The following FAAH2 variants were observed in gnomAD, a reference collection of about 807,000 sequenced individuals.
FAAH2 encodes the protein fatty-acid amide hydrolase 2.
FAAH2 carries 60 observed loss-of-function variants against 36.9 expected under a neutral mutation model. The observed-to-expected ratio is 1.63, with a 90% CI of 1.32 to 2.02. The LOEUF is 2.02. Among genes scored for constraint, FAAH2 ranks in the 30% most tolerant of loss-of-function variants. The pLI, the probability that FAAH2 is intolerant of heterozygous loss-of-function variation, is 0.00. For missense variants in FAAH2, 689 were observed against 397.5 expected (o/e 1.73, Z -6.23); for synonymous variants, 214 against 143.8 (o/e 1.49, Z -3.49).
At chrX:57,440,750 GTTC>G (rs1036776722) in intron 8 of FAAH2, among the ~76,000 whole-genome samples, 2 of 111,532 alleles carry the variant, frequency 1.8e-5, no homozygotes, top group Non-Finnish European at 3.8e-5. Context: ...GGCATAAATA[GTTC>G]TTATTATTTT....
intron 7 of FAAH2, among the ~76,000 whole-genome samples, chrX:57,411,034 G>A (rs1223923199): frequency 4.5e-5 from 5 of 111,730 alleles, no homozygotes; most frequent in Non-Finnish European, 9.4e-5. Context: ...TGTCTTCACA[G>A]TTGAAAAAGC....
At chrX:57,303,927 C>T (rs1250461008) in intron 2 of FAAH2, among the ~76,000 whole-genome samples, 1 of 111,991 alleles carries the variant, frequency 8.9e-6, no homozygotes, top group Admixed American at 9.5e-5. Context: ...AACCTGCTGG[C>T]TGGGCGCGGT....
chrX:57,351,203 C>T (rs1157391573), intron 5 of FAAH2, among the ~76,000 whole-genome samples: 2 of 110,699 alleles, frequency 1.8e-5, no homozygotes, highest in Non-Finnish European at 3.8e-5. Context: ...AGAAAGTATA[C>T]AAATATATGG....
At chrX:57,150,495 A>G in the FAAH2 span, among the ~76,000 whole-genome samples, 2 of 111,847 alleles carry the variant, frequency 1.8e-5, no homozygotes, top group African/African-American at 6.5e-5. Flanking sequence ...TGTTGAATTG[A>G]TCCCTTTTCT....
chrX:57,246,937 A>G, the FAAH2 span, among the ~76,000 whole-genome samples: 1 of 111,911 alleles, frequency 8.9e-6, no homozygotes, highest in African/African-American at 3.2e-5. Context: ...TGTGGCTGAA[A>G]ACAGCTATGC....
At chrX:57,250,667 A>G in the FAAH2 span, among the ~76,000 whole-genome samples, 1 of 110,977 alleles carries the variant, frequency 9.0e-6, no homozygotes, top group South Asian at 3.7e-4. Flanking sequence ...TAATTAAAAA[A>G]CAGGAGATAT....
At chrX:57,337,822 G>A (rs1253139676) in intron 4 of FAAH2, among the ~76,000 whole-genome samples, 2 of 112,036 alleles carry the variant, frequency 1.8e-5, no homozygotes, top group South Asian at 3.7e-4. Flanking sequence ...AAAGCTGGAA[G>A]CATTCTCCTT....
the FAAH2 span, among the ~76,000 whole-genome samples, chrX:57,190,756 C>G: frequency 9.1e-6 from 1 of 110,076 alleles, no homozygotes; most frequent in Non-Finnish European, 1.9e-5. Context: ...ATGAGATAAA[C>G]AGTATACCTT....
intron 7 of FAAH2, among the ~76,000 whole-genome samples, chrX:57,400,398 T>G (rs1602537577): frequency 8.9e-6 from 1 of 112,192 alleles, no homozygotes; most frequent in East Asian, 2.8e-4. Context: ...CTCGGACCTG[T>G]GTAAGGACTC....
chrX:57,466,894 C>T (rs2057060376), intron 10 of FAAH2, among the ~76,000 whole-genome samples: 1 of 110,903 alleles, frequency 9.0e-6, no homozygotes, highest in South Asian at 3.8e-4. Context: ...ATGCAAGATG[C>T]CTATGAGCCC....
the FAAH2 span, among the ~76,000 whole-genome samples, chrX:57,193,951 A>G: frequency 2.7e-5 from 3 of 111,838 alleles, 1 homozygote; most frequent in East Asian, 8.5e-4. Context: ...TTGAATAAAT[A>G]TTAATCAGAA....
the FAAH2 span, among the ~76,000 whole-genome samples, chrX:57,197,276 T>C: frequency 8.9e-6 from 1 of 111,904 alleles, no homozygotes; most frequent in Non-Finnish European, 1.9e-5. Context: ...CTTATCTGTA[T>C]TATTTGTTCT....
At chrX:57,346,145 G>T (rs2053815855) in intron 5 of FAAH2, among the ~76,000 whole-genome samples, 1 of 111,090 alleles carries the variant, frequency 9.0e-6, no homozygotes, top group Non-Finnish European at 1.9e-5. Flanking sequence ...GGTGCAATTA[G>T]TCAAATGTTA....
At chrX:57,240,164 A>G in the FAAH2 span, among the ~76,000 whole-genome samples, 1 of 111,830 alleles carries the variant, frequency 8.9e-6, no homozygotes, top group Non-Finnish European at 1.9e-5. Flanking sequence ...GCTGATGTTC[A>G]TTTAATCTTT....
intron 7 of FAAH2, among the ~76,000 whole-genome samples, chrX:57,389,885 A>C (rs1368379570): frequency 2.7e-5 from 3 of 110,003 alleles, no homozygotes; most frequent in African/African-American, 9.9e-5. Flanking sequence ...TAGCTATGCT[A>C]TTGGGTGGGA....
At chrX:57,413,576 A>G (rs749632084) in intron 7 of FAAH2, among the ~76,000 whole-genome samples, 1 of 111,457 alleles carries the variant, frequency 9.0e-6, no homozygotes, top group Admixed American at 9.5e-5. Context: ...CCATTTATCT[A>G]TATGTCTGTT....
the FAAH2 span, among the ~76,000 whole-genome samples, chrX:57,241,522 C>A: frequency 9.0e-6 from 1 of 111,674 alleles, no homozygotes; most frequent in Non-Finnish European, 1.9e-5. Context: ...TAAATAGCTA[C>A]CTTTATTTGT....
At chrX:57,393,245 C>A (rs5915006) in intron 7 of FAAH2, 286,996 of 1,190,345 alleles carry the variant, frequency 0.24, 25,952 homozygotes, top group Middle Eastern at 0.53. Context: ...GTTACTGAAG[C>A]CTTTTTCAAC....
At chrX:57,463,271 G>A (rs922092225) in intron 10 of FAAH2, among the ~76,000 whole-genome samples, 1 of 110,693 alleles carries the variant, frequency 9.0e-6, no homozygotes, top group African/African-American at 3.3e-5. Context: ...TCCCATCAAG[G>A]TATTAGTGAC....
Sources: allele counts gnomAD v4.1 joint callset (sites outside exome capture counted in the v4.1 genomes callset), GRCh38; gene constraint gnomAD v4.1.1; transcripts MANE v1.5; gene names NCBI Gene and HGNC (gene_info 2026-07-23, HGNC 2026-07-21).